The following PCDH15 variants were observed in gnomAD, a reference collection of about 807,000 sequenced individuals.
The protein encoded by PCDH15 is protocadherin-15.
In PCDH15, 129 loss-of-function variants were observed where a neutral mutation model predicts 178.5. The ratio of observed to expected loss-of-function variants is 0.72; its 90% CI spans 0.63 to 0.84. PCDH15 has a LOEUF of 0.84. PCDH15 is among the 40% of genes least tolerant of loss of function. PCDH15 has a pLI of 0.00. For synonymous variants in PCDH15, 800 were observed against 732.0 expected (o/e 1.09, Z -1.50); for missense variants, 2,230 against 2,099.9 (o/e 1.06, Z -1.21).
intron 1 of PCDH15, among the ~76,000 whole-genome samples, chr10:54,743,181 T>C (rs1384694384): frequency 6.6e-6 from 1 of 152,056 alleles, no homozygotes. Flanking sequence ...TAAATGTTCC[T>C]GGATATCTTG....
chr10:54,326,590 AC>A (rs756246329), intron 7 of PCDH15, among the ~76,000 whole-genome samples: 57 of 152,088 alleles, frequency 3.7e-4, no homozygotes, highest in Non-Finnish European at 7.5e-4. Context: ...TTATTAATAT[AC>A]CCATTTTACT....
intron 10 of PCDH15, among the ~76,000 whole-genome samples, chr10:54,200,949 A>G (rs1197226686): frequency 2.6e-5 from 4 of 152,114 alleles, no homozygotes; most frequent in African/African-American, 9.7e-5. Context: ...TCCACAGTCC[A>G]TATCCAACTG....
intron 16 of PCDH15, among the ~76,000 whole-genome samples, chr10:54,088,487 C>A (rs2094549830): frequency 6.6e-6 from 1 of 151,936 alleles, no homozygotes; most frequent in South Asian, 2.1e-4. Flanking sequence ...AAAATATTTT[C>A]TCTGATTGTA....
intron 3 of PCDH15, among the ~76,000 whole-genome samples, chr10:54,381,452 G>A (rs1262945723): frequency 3.9e-5 from 6 of 152,144 alleles, no homozygotes; most frequent in Admixed American, 3.3e-4. Context: ...TTCCTCCTTC[G>A]TTACTTTGCA....
chr10:54,038,284 T>G (rs573565764), intron 18 of PCDH15, among the ~76,000 whole-genome samples: 20 of 152,024 alleles, frequency 1.3e-4, no homozygotes, highest in African/African-American at 3.9e-4. Flanking sequence ...GATTCTTGTA[T>G]GACTTGAAGA....
rs1565144527 is a variant in PCDH15 at position 55,442,482 on chromosome 10, T to TATATATATATA, written c.-156+185132_-156+185142dup. Among the ~76,000 whole-genome samples, 49 of 54,912 alleles carry TATATATATATA rather than the reference T, an allele frequency of 8.9e-4. No homozygotes were observed. The East Asian group carries it at 0.015, about 16-fold the overall frequency. The allele number at this position is 54,912 out of a possible 152,430, so 36.0% of individuals were successfully genotyped here. On this transcript the variant is annotated intron_variant, in intron 2 of 5. Coordinates refer to the PCDH15 transcript ENST00000613346. ...ATATATATATATATTATATATATAT[T>TATATATATATA]ATATATATATATATATATGTAAGCT...
rs971464962 is a variant in PCDH15 at position 55,621,184 on chromosome 10, CTT to C, written c.-156+6439_-156+6440del. On this transcript the variant is annotated intron_variant, in intron 2 of 5. Coordinates refer to the PCDH15 transcript ENST00000613346. ...AGATAATAATATGAATAGAATTTAA[CTT>C]ATATGTTTTAGCAAAGAAGAAATAA... is the stretch of plus-strand genomic sequence containing the variant. Among the ~76,000 whole-genome samples, 7 of 152,058 alleles carry C rather than the reference CTT, an allele frequency of 4.6e-5. No homozygotes were observed. The South Asian group carries it at 6.2e-4, about 13-fold the overall frequency.
intron 20 of PCDH15, among the ~76,000 whole-genome samples, chr10:54,002,135 T>C (rs1288591484): frequency 1.4e-4 from 21 of 151,270 alleles, no homozygotes; most frequent in African/African-American, 4.9e-4. Flanking sequence ...TGTGTGTATA[T>C]ATATATACAC....
chr10:53,849,386 G>A (rs2078194539), intron 28 of PCDH15, among the ~76,000 whole-genome samples: 1 of 151,866 alleles, frequency 6.6e-6, no homozygotes, highest in African/African-American at 2.4e-5. Context: ...TAGACTATAA[G>A]CATTCAGAAA....
intron 21 of PCDH15, among the ~76,000 whole-genome samples, chr10:53,992,100 G>A (rs551907587): frequency 7.2e-5 from 11 of 152,146 alleles, no homozygotes; most frequent in Admixed American, 2.6e-4. Flanking sequence ...TGAGGCCAGC[G>A]AGACCATGAA....
At chr10:53,823,052 G>C (rs775912760) in intron 32 of PCDH15, 2 of 1,613,818 alleles carry the variant, frequency 1.2e-6, no homozygotes, top group Non-Finnish European at 1.7e-6. Flanking sequence ...ACTTACTCTT[G>C]GCTTGTATTT....
intron 3 of PCDH15, among the ~76,000 whole-genome samples, chr10:54,458,585 A>G (rs1053292235): frequency 6.6e-6 from 1 of 152,012 alleles, no homozygotes; most frequent in Non-Finnish European, 1.5e-5. Flanking sequence ...TGCAGGGTGA[A>G]TCTTTCCTAT....
chr10:54,351,953 T>C (rs2583031), intron 5 of PCDH15, among the ~76,000 whole-genome samples: 2,380 of 152,172 alleles, frequency 0.016, 64 homozygotes, highest in African/African-American at 0.054. Context: ...TGGTATGCTG[T>C]TCACTTGGAA....
rs1304986689 is a variant in PCDH15 at position 55,500,374 on chromosome 10, C to T, written c.-156+127251G>A. ...TATTTTTTAGATTTAAATTGATTAG[C>T]ATATTTAACTTTTACATGAGGCAGT... is the stretch of plus-strand genomic sequence containing the variant. On this transcript the variant is annotated intron_variant, in intron 2 of 5. Coordinates refer to the PCDH15 transcript ENST00000613346. 6.6e-5 allele frequency among the ~76,000 whole-genome samples: 10 copies of T among 151,688 alleles called. No individual in the cohort carries two copies. The Admixed American group carries it at 6.6e-4, about 10-fold the overall frequency.
At chr10:54,520,568 G>A (rs2082741309) in intron 3 of PCDH15, among the ~76,000 whole-genome samples, 1 of 152,030 alleles carries the variant, frequency 6.6e-6, no homozygotes, top group Non-Finnish European at 1.5e-5. Flanking sequence ...GAAACAACAG[G>A]TGCTGGAGAG....
chr10:55,075,566 T>C lies in PCDH15; in HGVS notation c.-80+91010A>G, dbSNP rs138339219. Among the ~76,000 whole-genome samples the C allele has an allele frequency of 2.5e-3, 378 of 152,086 alleles. 1 individual carries two copies. Among genetic ancestry groups the C allele is most frequent in the Middle Eastern group, 0.014 (4 of 294 alleles). ...TTTTAGTAGAGACGGGGTTTCACCA[T>C]GCTGGCCAAGATGGTCTCTGTCTCC... is the stretch of plus-strand genomic sequence containing the variant. On this transcript the variant is annotated intron_variant, in intron 2 of 5. Transcript: ENST00000458638.
intron 3 of PCDH15, among the ~76,000 whole-genome samples, chr10:54,513,947 A>C (rs1337058658): frequency 3.3e-5 from 5 of 152,200 alleles, no homozygotes. Flanking sequence ...TTGCAGAAAA[A>C]TATTAGCCAC....
intron 30 of PCDH15, 118 bp downstream of exon 30, chr10:53,831,197 A>C: frequency 3.2e-6 from 3 of 941,220 alleles, no homozygotes; most frequent in Non-Finnish European, 3.5e-6. Context: ...AGACAGATAA[A>C]GCAATCTCAG....
At chr10:55,254,214 T>C (rs757845043) in intron 1 of PCDH15, among the ~76,000 whole-genome samples, 10 of 152,204 alleles carry the variant, frequency 6.6e-5, no homozygotes, top group Non-Finnish European at 1.0e-4. Flanking sequence ...CTAAAACCAA[T>C]AGTTACTTCC....
Sources: gnomAD v4.1 joint callset for allele counts (sites outside exome capture counted in the v4.1 genomes callset) on GRCh38, gnomAD v4.1.1 for gene constraint, MANE v1.5 for transcripts, NCBI Gene and HGNC (gene_info 2026-07-23, HGNC 2026-07-21) for gene names.